ZMYM4: variants seen among roughly 807,000 people sequenced by gnomAD.
The protein encoded by ZMYM4 is zinc finger MYM-type protein 4.
Under a neutral mutation model 183.2 loss-of-function variants are expected in ZMYM4, and 31 were observed. The observed-to-expected ratio is 0.17, with a 90% confidence interval of 0.13 to 0.23. The LOEUF is 0.23. ZMYM4 is among the 10% of genes least tolerant of loss of function. The probability of loss-of-function intolerance (pLI) is 1.00; values close to 1 mark genes in which losing one functional copy is unlikely to be tolerated. For missense variants in ZMYM4, 1,273 were observed against 1,840.3 expected (o/e 0.69, Z 5.64); for synonymous variants, 592 against 631.2 (o/e 0.94, Z 0.93).
chr1:35,399,325 A>G (rs889718884), intron 22 of ZMYM4, among the ~76,000 whole-genome samples, 157 bp from the exon 23 acceptor site: 1 of 152,188 alleles, frequency 6.6e-6, no homozygotes. Flanking sequence ...TTTATGCACT[A>G]TATCCTTGGT....
rs1640015355 is a variant in ZMYM4 at position 35,414,007 on chromosome 1, T to C, written c.3984T>C (p.Phe1328=). The change falls in exon 27 of 30, where the codon TTT becomes TTC. Residue 1328 remains phenylalanine, a synonymous_variant. Transcript: ENST00000314607. Reference sequence around the variant, plus strand: ...AAAATGGTAGAATAGATAACATTTTTACTGAGCCCTATTCCAGATTTATGA... The same window carrying C: ...AAAATGGTAGAATAGATAACATTTTCACTGAGCCCTATTCCAGATTTATGA... ...LFENGRIDNI[F]TEPYSRFMIE... 1.9e-6 allele frequency: 3 copies of C among 1,588,940 alleles called. No homozygotes were observed. In the East Asian group the frequency reaches 6.8e-5, roughly 36 times the overall value.
chr1:35,350,056 A>G (rs1031110850), intron 2 of ZMYM4, among the ~76,000 whole-genome samples: 3 of 151,394 alleles, frequency 2.0e-5, no homozygotes, highest in Non-Finnish European at 2.9e-5. Context: ...TTCAACTCCT[A>G]GGCTCAAGTG....
rs890955683 is a variant in ZMYM4 at position 35,384,054 on chromosome 1, CATTAG to C, written c.1570-1385_1570-1381del. Among the ~76,000 whole-genome samples the C allele has an allele frequency of 8.5e-5, 13 of 152,258 alleles. 2 individuals are homozygous for C. The highest frequency in any genetic ancestry group is 2.6e-4 in the African/African-American group (11 of 41,546). On this transcript the variant is annotated intron_variant, in intron 9 of 29. Coordinates refer to ENST00000314607, the MANE Select transcript of ZMYM4 (RefSeq NM_005095.3). ...CCTTATATATAATTCATTCAACAAA[CATTAG>C]ATATAATTTCTGTTTTGAGGGGCTG...
chr1:35,363,034 T>A (rs1426725373), intron 5 of ZMYM4, among the ~76,000 whole-genome samples: 2 of 152,188 alleles, frequency 1.3e-5, no homozygotes, highest in Admixed American at 1.3e-4. Context: ...TAGCCAGGCA[T>A]GGTGGCGGGT....
chr1:35,340,353 C>A (rs1036767386), intron 2 of ZMYM4, among the ~76,000 whole-genome samples: 1 of 151,976 alleles, frequency 6.6e-6, no homozygotes, highest in Non-Finnish European at 1.5e-5. Flanking sequence ...TGGACCCAGG[C>A]GTCAGAGGGA....
chr1:35,278,635 A>G lies in ZMYM4; in HGVS notation c.39+9550A>G, dbSNP rs554141016. On this transcript the variant is annotated intron_variant, in intron 1 of 29. Coordinates refer to ENST00000314607, the MANE Select transcript of ZMYM4 (RefSeq NM_005095.3). ...GGAGACGGGGTTTCACTATGTTAGG[A>G]TGGGCTCCATCTCCTGACCTCGTGA... is the stretch of plus-strand genomic sequence containing the variant. Among the ~76,000 whole-genome samples, 81 of 152,006 alleles carry G rather than the reference A, an allele frequency of 5.3e-4. 1 individual carries two copies. Among genetic ancestry groups the G allele is most frequent in the Admixed American group, 1.2e-3 (19 of 15,252 alleles).
chr1:35,311,956 T>G (rs2148784986), intron 1 of ZMYM4, among the ~76,000 whole-genome samples: 1 of 152,160 alleles, frequency 6.6e-6, no homozygotes. Context: ...GTGGTGATCC[T>G]AGCTCACTGC....
chr1:35,316,725 T>C (rs1642061000), intron 1 of ZMYM4, among the ~76,000 whole-genome samples: 1 of 152,184 alleles, frequency 6.6e-6, no homozygotes, highest in South Asian at 2.1e-4. Context: ...TCAAAAGTGA[T>C]AACACAGGAA....
At chr1:35,337,458 G>T (rs1290197783) in intron 2 of ZMYM4, among the ~76,000 whole-genome samples, 1 of 151,968 alleles carries the variant, frequency 6.6e-6, no homozygotes, top group African/African-American at 2.4e-5. Flanking sequence ...GATTATTCTT[G>T]CATATGTTTC....
At chr1:35,338,313 A>T (rs1354400214) in intron 2 of ZMYM4, among the ~76,000 whole-genome samples, 1 of 152,222 alleles carries the variant, frequency 6.6e-6, no homozygotes, top group Non-Finnish European at 1.5e-5. Context: ...GTACGGGTCC[A>T]CTTATGCATG....
chr1:35,305,732 A>C (rs1474555290), intron 1 of ZMYM4, among the ~76,000 whole-genome samples: 2 of 151,298 alleles, frequency 1.3e-5, no homozygotes, highest in East Asian at 1.9e-4. Flanking sequence ...TTTTGTGGAG[A>C]TGGGATTTTT....
chr1:35,349,295 T>A (rs1643510020), intron 2 of ZMYM4, among the ~76,000 whole-genome samples: 1 of 152,118 alleles, frequency 6.6e-6, no homozygotes, highest in South Asian at 2.1e-4. Flanking sequence ...GCCTGTGGTT[T>A]AGTTAAGAAA....
rs148994584 is a variant in ZMYM4 at position 35,393,612 on chromosome 1, T to A, written c.2784T>A (p.Asp928Glu). The A allele has an allele frequency of 6.2e-7, 1 of 1,609,208 alleles. No individual in the cohort carries two copies. ...KIIGDASTQT[D>E]ALKLPPSQPP... ...TTTACTAGGCAAGTACTCAAACAGA[T>A]GCCCTGAAACTGCCACCTTCCCAAC... The change falls in exon 18 of 30, where the codon GAT (aspartate) becomes GAA (glutamate). Residue 928 changes from aspartate (D) to glutamate (E), a missense_variant. By Grantham distance (45) the Asp-to-Glu change is conservative. Around this residue, in one of 6 missense-constraint regions of ZMYM4, gnomAD observed 290 missense variants for 353.3 expected, o/e 0.82. Coordinates refer to ENST00000314607, the MANE Select transcript of ZMYM4 (RefSeq NM_005095.3).
At chr1:35,282,428 A>C (rs1228491374) in intron 1 of ZMYM4, among the ~76,000 whole-genome samples, 1 of 152,194 alleles carries the variant, frequency 6.6e-6, no homozygotes, top group East Asian at 1.9e-4. Context: ...GAGCTACATA[A>C]ACCTCTTTTC....
At chr1:35,311,568 G>C (rs559546092) in intron 1 of ZMYM4, among the ~76,000 whole-genome samples, 30 of 151,974 alleles carry the variant, frequency 2.0e-4, no homozygotes, top group Admixed American at 4.6e-4. Flanking sequence ...GCGTACCACT[G>C]TACCCTAGTC....
chr1:35,283,685 A>G (rs1438748735), intron 1 of ZMYM4, among the ~76,000 whole-genome samples: 2 of 152,010 alleles, frequency 1.3e-5, no homozygotes, highest in Admixed American at 1.3e-4. Context: ...TCCAGTGACT[A>G]ATGATGCTGA....
rs370858827 is a variant in ZMYM4, at chr1:35,404,793, A to T, written c.3529-230A>T. ...CATAGTAAATACCCAAATGTTAGTGATTATTACAGTGTGCTCTTCTGCATT... is the reference window on the plus strand; with the variant it reads ...CATAGTAAATACCCAAATGTTAGTGTTTATTACAGTGTGCTCTTCTGCATT... On this transcript the variant is annotated intron_variant, in intron 23 of 29. Transcript: ENST00000314607. 1.1e-5 allele frequency: 4 copies of T among 361,762 alleles called. No individual in the cohort carries two copies. In the East Asian group the frequency reaches 1.9e-4, roughly 17 times the overall value. The allele number at this position is 361,762 out of a possible 1,614,324, so 22.4% of individuals were successfully genotyped here.
intron 2 of ZMYM4, among the ~76,000 whole-genome samples, chr1:35,355,894 G>A (rs1643803338): frequency 6.6e-6 from 1 of 151,964 alleles, no homozygotes; most frequent in Admixed American, 6.6e-5. Flanking sequence ...TTTTCCATAT[G>A]ACTACCCTTT....
At chr1:35,361,352 G>A (rs552438863) in intron 4 of ZMYM4, 97 bp downstream of exon 4, 25 of 1,234,234 alleles carry the variant, frequency 2.0e-5, no homozygotes, top group African/African-American at 2.0e-4. Flanking sequence ...ATTAGGTAGA[G>A]CACTGATTTT....
Sources: allele counts gnomAD v4.1 joint callset (sites outside exome capture counted in the v4.1 genomes callset), GRCh38; gene constraint gnomAD v4.1.1; regional missense constraint gnomAD v4.1.1; transcripts MANE v1.5; gene names NCBI Gene and HGNC (gene_info 2026-07-23, HGNC 2026-07-21).